Variants in SNX8 observed in about 807,000 individuals in gnomAD.
SNX8 encodes the protein sorting nexin 8, also known as sorting nexin-8.
A neutral mutation model predicts 51.6 loss-of-function variants in SNX8; 25 were observed. The observed-to-expected ratio is 0.48, with a 90% CI of 0.35 to 0.68. The LOEUF is 0.68. SNX8 is among the 30% of genes least tolerant of loss of function. SNX8 has a pLI of 0.00. For missense variants in SNX8, 695 were observed against 624.0 expected, an observed-to-expected ratio of 1.11 and a Z score of -1.21; for synonymous variants, 324 against 277.0, an observed-to-expected ratio of 1.17 and a Z score of -1.68.
intron 1 of SNX8, among the ~76,000 whole-genome samples, chr7:2,297,181 G>C (rs1796291028): frequency 6.6e-6 from 1 of 151,862 alleles, no homozygotes; most frequent in African/African-American, 2.4e-5. Flanking sequence ...AGATTTCTCA[G>C]AAAACTAAAG....
rs539660921 is a variant in SNX8 at position 2,298,895 on chromosome 7, G to A, written c.94+15433C>T. Among the ~76,000 whole-genome samples the A allele has an allele frequency of 3.9e-5, 6 of 152,140 alleles. No homozygotes were observed. The South Asian group carries it at 1.2e-3, about 32-fold the overall frequency. On this transcript the variant is annotated intron_variant, in intron 1 of 10. Transcript: ENST00000222990. The stretch of plus-strand genomic sequence containing the variant: ...TTTGGTAGAGACAGGGTTTCGCCAT[G>A]ATGGCCAGGCTGGTCTCGAACTCCT...
intron 1 of SNX8, among the ~76,000 whole-genome samples, chr7:2,320,964 G>A (rs1048894630): frequency 1.3e-5 from 2 of 152,116 alleles, no homozygotes; most frequent in East Asian, 1.9e-4. Context: ...AGGTTGCAGT[G>A]AGCCAAGATC....
intron 1 of SNX8, among the ~76,000 whole-genome samples, chr7:2,289,381 T>C (rs1796102065): frequency 1.3e-5 from 2 of 152,192 alleles, no homozygotes; most frequent in Admixed American, 1.3e-4. Context: ...TGGTAAATAT[T>C]TCAGTTTTCC....
chr7:2,277,490 G>A (rs1355516007), intron 2 of SNX8, among the ~76,000 whole-genome samples: 1 of 151,312 alleles, frequency 6.6e-6, no homozygotes. Flanking sequence ...TGGACCGTCC[G>A]CGGGAGATTC....
At chr7:2,288,672 T>A (rs1584706023) in intron 1 of SNX8, among the ~76,000 whole-genome samples, 1 of 152,242 alleles carries the variant, frequency 6.6e-6, no homozygotes, top group East Asian at 1.9e-4. Flanking sequence ...TCAGAACCTG[T>A]CACCACCCCA....
intron 1 of SNX8, among the ~76,000 whole-genome samples, chr7:2,280,444 T>C (rs2115142086): frequency 6.6e-6 from 1 of 151,234 alleles, no homozygotes; most frequent in South Asian, 2.1e-4. Context: ...ATCACGCCAC[T>C]GCACTCCAGC....
At chr7:2,345,691 AAG>A (rs1491031720) in intron 1 of SNX8, among the ~76,000 whole-genome samples, 3 of 149,874 alleles carry the variant, frequency 2.0e-5, no homozygotes, top group South Asian at 2.1e-4. Context: ...AAAAAAAAAA[AAG>A]AAGAAGAAAT....
At chr7:2,348,718 G>A (rs1282883935) in intron 1 of SNX8, among the ~76,000 whole-genome samples, 3 of 151,486 alleles carry the variant, frequency 2.0e-5, no homozygotes, top group African/African-American at 4.8e-5. Context: ...TCTGAGAGGC[G>A]GGCGGATCAC....
chr7:2,302,500 T>A (rs540958320), intron 1 of SNX8, among the ~76,000 whole-genome samples: 5 of 152,238 alleles, frequency 3.3e-5, no homozygotes, highest in East Asian at 3.9e-4. Context: ...AGTGCCGAGA[T>A]TGCAGCCTCT....
chr7:2,319,066 C>T (rs1456220565), upstream of SNX8, among the ~76,000 whole-genome samples: 9 of 151,932 alleles, frequency 5.9e-5, no homozygotes, highest in Non-Finnish European at 1.0e-4. Flanking sequence ...TGGCCGGATA[C>T]GGTGGCTCAC....
chr7:2,340,246 T>A (rs1294215136), intron 1 of SNX8, among the ~76,000 whole-genome samples: 8 of 150,704 alleles, frequency 5.3e-5, no homozygotes, highest in Admixed American at 3.3e-4. Flanking sequence ...TAATTTTTTT[T>A]TTTTTATTAT....
At chr7:2,317,034 C>T (rs1207464752), upstream of SNX8, among the ~76,000 whole-genome samples, 1 of 152,054 alleles carries the variant, frequency 6.6e-6, no homozygotes. Context: ...GGGTGAAGGG[C>T]GATCCCTTCC....
At chr7:2,325,904 A>G (rs1778615375) in intron 1 of SNX8, among the ~76,000 whole-genome samples, 1 of 152,182 alleles carries the variant, frequency 6.6e-6, no homozygotes, top group Non-Finnish European at 1.5e-5. Context: ...AAACTGGAGA[A>G]AGGGGGACCC....
At position 2,321,222 on chromosome 7, in the gene SNX8, C is replaced by T. The variant is rs556082295; in HGVS notation, c.-66+33000G>A. Among the ~76,000 whole-genome samples the T allele has an allele frequency of 5.3e-5, 8 of 151,968 alleles. No homozygotes were observed. In the South Asian group the frequency reaches 1.2e-3, roughly 24 times the overall value. On this transcript the variant is annotated intron_variant, in intron 1 of 5. Transcript: ENST00000435336. The stretch of plus-strand genomic sequence containing the variant: ...GGAACGTGAGGGCTGTGGCAGGAAA[C>T]GGTGGGGGGAATAATCAGCTCTAAT...
chr7:2,312,755 TC>T (rs10672731), intron 1 of SNX8, among the ~76,000 whole-genome samples: 3 of 149,872 alleles, frequency 2.0e-5, no homozygotes, highest in Non-Finnish European at 4.4e-5. Flanking sequence ...CCCAATCTTG[TC>T]CCCCCCCACC....
intron 1 of SNX8, among the ~76,000 whole-genome samples, chr7:2,324,030 T>C (rs1778584387): frequency 6.6e-6 from 1 of 151,446 alleles, no homozygotes; most frequent in South Asian, 2.1e-4. Context: ...TGAGGCAGGA[T>C]AATCGCTTGA....
rs967622754 is a variant in SNX8, at chr7:2,254,791, G to T, written c.*265C>A. 2.2e-5 allele frequency: 12 copies of T among 543,176 alleles called. No homozygotes were observed. The highest frequency in any genetic ancestry group is 4.0e-5 in the Non-Finnish European group (12 of 302,418). 33.6% of individuals were successfully genotyped at this position (543,176 alleles called of 1,614,324 possible). ...ATCCCTGCCTCCCCGCACAGCTCTG[G>T]GTGTCAGGAGGAAACCATTCCAGAG... On this transcript the variant is annotated 3_prime_UTR_variant, in exon 11 of 11. Coordinates refer to ENST00000222990, the MANE Select transcript of SNX8 (RefSeq NM_013321.4).
At chr7:2,264,649 C>G (rs569036368) in intron 5 of SNX8, among the ~76,000 whole-genome samples, 191 bp from the exon 6 acceptor site, 1 of 152,330 alleles carries the variant, frequency 6.6e-6, no homozygotes, top group East Asian at 1.9e-4. Context: ...ACCATCATCA[C>G]CTGCATGCCA....
At chr7:2,311,009 T>C (rs1401844644) in intron 1 of SNX8, among the ~76,000 whole-genome samples, 6 of 152,218 alleles carry the variant, frequency 3.9e-5, no homozygotes. Flanking sequence ...CAATGTTCTA[T>C]TCTTTTTTAA....
Sources: gnomAD v4.1 joint callset for allele counts (sites outside exome capture counted in the v4.1 genomes callset) on GRCh38, gnomAD v4.1.1 for gene constraint, MANE v1.5 for transcripts, NCBI Gene and HGNC (gene_info 2026-07-23, HGNC 2026-07-21) for gene names.